The following CCDC7 variants were observed in gnomAD, a reference collection of about 807,000 sequenced individuals.
CCDC7 encodes coiled-coil domain containing 7, also known as coiled-coil domain-containing protein 7.
In CCDC7, 183 loss-of-function variants were observed where a neutral mutation model predicts 196.9. The observed-to-expected ratio is 0.93, with a 90% CI of 0.82 to 1.05. The LOEUF (loss-of-function observed/expected upper bound fraction) is 1.05. Ranked by LOEUF, CCDC7 falls within the 50% of genes least tolerant of loss-of-function variation. The probability of loss-of-function intolerance (pLI) is 0.00; values close to 1 mark genes in which losing one functional copy is unlikely to be tolerated. For missense variants in CCDC7, 1,540 were observed against 1,482.2 expected (o/e 1.04, Z -0.64); for synonymous variants, 525 against 484.6 (o/e 1.08, Z -1.10).
intron 25 of CCDC7, among the ~76,000 whole-genome samples, chr10:32,712,813 G>T (rs184766605): frequency 6.6e-6 from 1 of 152,284 alleles, no homozygotes; most frequent in East Asian, 1.9e-4. Context: ...GGTGCCAAAG[G>T]TAGCACTTAT....
intron 11 of CCDC7, among the ~76,000 whole-genome samples, chr10:32,542,665 C>T (rs1294643550): frequency 6.9e-6 from 1 of 144,074 alleles, no homozygotes; most frequent in Non-Finnish European, 1.5e-5. Context: ...CAGAAAGCAA[C>T]TTTCTCCATC....
chr10:32,804,886 T>A, intron 29 of CCDC7, 129 bp from the exon 31 acceptor site: 2 of 622,264 alleles, frequency 3.2e-6, no homozygotes, highest in Admixed American at 5.6e-5. Context: ...TCAGACATTT[T>A]GCTATAACTT....
intron 28 of CCDC7, among the ~76,000 whole-genome samples, chr10:32,735,125 C>A (rs1329742097): frequency 6.6e-6 from 1 of 151,994 alleles, no homozygotes; most frequent in Non-Finnish European, 1.5e-5. Context: ...AAGAGTCCAA[C>A]GATTTCTTCA....
intron 9 of CCDC7, among the ~76,000 whole-genome samples, chr10:32,500,215 C>T (rs1195144790): frequency 6.7e-6 from 1 of 149,612 alleles, no homozygotes; most frequent in Non-Finnish European, 1.5e-5. Flanking sequence ...GATGGGGCGG[C>T]CGGCCTGGCG....
At chr10:32,456,558 C>T (rs2034400948) in intron 3 of CCDC7, among the ~76,000 whole-genome samples, 1 of 151,972 alleles carries the variant, frequency 6.6e-6, no homozygotes, top group Admixed American at 6.6e-5. Context: ...ACTGAACCAC[C>T]ACAAATAAGA....
intron 28 of CCDC7, among the ~76,000 whole-genome samples, chr10:32,757,138 CACACAATAATAATGGGAGACTTTA>C (rs1255714157): frequency 2.2e-4 from 34 of 152,180 alleles, no homozygotes; most frequent in African/African-American, 7.5e-4. Context: ...CTTAGACTCC[CACACAATAATAATGGGAGACTTTA>C]ACACCCCACT....
chr10:32,680,986 G>T (rs1004197998), intron 21 of CCDC7, among the ~76,000 whole-genome samples: 15 of 152,294 alleles, frequency 9.8e-5, no homozygotes, highest in African/African-American at 3.4e-4. Context: ...CAATGTGTAC[G>T]CTAGTCAGTG....
In CCDC7 at chr10:32,463,048, A is replaced by G. The variant is rs761981084; in HGVS notation, c.509A>G (p.Glu170Gly). Residue 170 changes from glutamate to glycine, a missense_variant and splice_region_variant, in exon 5 of 42, where the codon GAA (glutamate) becomes GGA (glycine). Transcript: ENST00000639629. The stretch of plus-strand genomic sequence containing the variant: ...CAGTGGCAGGTCAATCAGATGGAAG[A>G]AGTAAGTCTAACGTTTTAAAATTGT... The G allele has an allele frequency of 5.6e-6, 9 of 1,613,330 alleles. No individual in the cohort carries two copies. The highest frequency in any genetic ancestry group is 6.8e-6 in the Non-Finnish European group (8 of 1,179,748).
chr10:32,731,704 CAG>C (rs2083992904), intron 28 of CCDC7, among the ~76,000 whole-genome samples: 1 of 152,080 alleles, frequency 6.6e-6, no homozygotes. Context: ...GAAAATGTGT[CAG>C]AGGTTTTATT....
chr10:32,459,276 C>T (rs1254208831), intron 3 of CCDC7, among the ~76,000 whole-genome samples: 2 of 152,150 alleles, frequency 1.3e-5, no homozygotes, highest in Admixed American at 6.5e-5. Flanking sequence ...CTTTTCTTCC[C>T]TAGGAGAGTT....
intron 20 of CCDC7, among the ~76,000 whole-genome samples, chr10:32,655,691 G>C (rs978932374): frequency 2.0e-5 from 3 of 151,856 alleles, no homozygotes; most frequent in Non-Finnish European, 2.9e-5. Context: ...CAAGTAGTGC[G>C]TGCCACCATG....
chr10:32,672,982 A>G (rs772437021), intron 21 of CCDC7, among the ~76,000 whole-genome samples: 1 of 152,064 alleles, frequency 6.6e-6, no homozygotes, highest in African/African-American at 2.4e-5. Context: ...TTTTTTGTGT[A>G]TAGTGTAAGA....
chr10:32,495,043 A>C (rs1403381104), intron 9 of CCDC7, among the ~76,000 whole-genome samples: 4 of 152,082 alleles, frequency 2.6e-5, no homozygotes, highest in African/African-American at 4.8e-5. Flanking sequence ...TCTCCACATC[A>C]TCTCCAGCAT....
At chr10:32,781,882 G>C (rs373559455) in intron 29 of CCDC7, among the ~76,000 whole-genome samples, 9 of 152,192 alleles carry the variant, frequency 5.9e-5, no homozygotes, top group East Asian at 5.8e-4. Context: ...TATCTGCCAA[G>C]AGGTGACATT....
At chr10:32,795,318 A>G (rs963441027) in intron 29 of CCDC7, among the ~76,000 whole-genome samples, 2 of 151,964 alleles carry the variant, frequency 1.3e-5, no homozygotes, top group South Asian at 2.1e-4. Context: ...CTTCAGGCTC[A>G]CTGGTTTTTC....
At chr10:32,855,739 G>A (rs1304800215) in intron 41 of CCDC7, among the ~76,000 whole-genome samples, 1 of 152,168 alleles carries the variant, frequency 6.6e-6, no homozygotes, top group African/African-American at 2.4e-5. Flanking sequence ...ACCAGGAGTT[G>A]GAGACCCTGC....
intron 41 of CCDC7, among the ~76,000 whole-genome samples, chr10:32,874,130 CATAT>C (rs937948067): frequency 2.0e-5 from 3 of 148,890 alleles, no homozygotes; most frequent in East Asian, 2.0e-4. Context: ...TGCTGAAAGT[CATAT>C]ATATATATTT....
intron 25 of CCDC7, among the ~76,000 whole-genome samples, chr10:32,723,127 G>A (rs2082647738): frequency 6.6e-6 from 1 of 152,100 alleles, no homozygotes; most frequent in African/African-American, 2.4e-5. Flanking sequence ...ACCTTGCCAT[G>A]AGTTCCTTGG....
intron 5 of CCDC7, among the ~76,000 whole-genome samples, chr10:32,463,790 T>C (rs2036213857): frequency 6.6e-6 from 1 of 152,204 alleles, no homozygotes; most frequent in Non-Finnish European, 1.5e-5. Context: ...TAGCATCTTC[T>C]CATTGTTTTT....
Sources: allele counts gnomAD v4.1 joint callset (sites outside exome capture counted in the v4.1 genomes callset), GRCh38; gene constraint gnomAD v4.1.1; transcripts MANE v1.5; gene names NCBI Gene and HGNC (gene_info 2026-07-23, HGNC 2026-07-21).